Variants in BRSK2 observed in about 807,000 individuals in gnomAD.
BRSK2 encodes serine/threonine-protein kinase BRSK2.
BRSK2 carries 19 observed loss-of-function variants against 83.3 expected under a neutral mutation model. The ratio of observed to expected loss-of-function variants is 0.23; its 90% CI spans 0.16 to 0.33. BRSK2 has a LOEUF of 0.33. Among genes scored for constraint, BRSK2 ranks in the 10% least tolerant of loss-of-function variants. The pLI, the probability that BRSK2 is intolerant of heterozygous loss-of-function variation, is 1.00. For synonymous variants in BRSK2, 519 were observed against 435.4 expected (o/e 1.19, Z -2.39); for missense variants, 798 against 1,042.3 (o/e 0.77, Z 3.23).
intron 1 of BRSK2, among the ~76,000 whole-genome samples, chr11:1,412,947 C>T (rs1261710351): frequency 1.3e-5 from 2 of 151,782 alleles, no homozygotes; most frequent in Admixed American, 6.5e-5. Flanking sequence ...CGTGCACGCC[C>T]TTTCTGACTG....
rs61869028 is a variant in BRSK2, at chr11:1,450,820, A to G, written c.1495+26A>G. 696,146 of 1,568,576 alleles carry G rather than the reference A, an allele frequency of 0.44. 165,099 individuals are homozygous for G. Among genetic ancestry groups the G allele is most frequent in the Non-Finnish European group, 0.49 (571,899 of 1,160,822 alleles). On this transcript the variant is annotated intron_variant, in intron 14 of 19. Transcript: ENST00000528841. Reference sequence around the variant, plus strand: ...GTGAGTGTCTGCCCGGAGGCGCCAGAGTGGGGCTGGGAGAGAGCAGAGGCT... The same window carrying G: ...GTGAGTGTCTGCCCGGAGGCGCCAGGGTGGGGCTGGGAGAGAGCAGAGGCT...
intron 12 of BRSK2, 110 bp downstream of exon 12, chr11:1,446,017 G>A (rs903854152): frequency 2.1e-6 from 3 of 1,406,926 alleles, no homozygotes; most frequent in African/African-American, 2.9e-5. Flanking sequence ...GAGGCCATTG[G>A]GTGGGGCTGT....
intron 1 of BRSK2, among the ~76,000 whole-genome samples, chr11:1,420,017 C>A (rs1014136489): frequency 6.6e-6 from 1 of 152,246 alleles, no homozygotes; most frequent in East Asian, 1.9e-4. Context: ...GGCACGTGGT[C>A]GTTCGTCTCC....
chr11:1,444,744 T>C (rs541024770), intron 8 of BRSK2, among the ~76,000 whole-genome samples: 16 of 150,488 alleles, frequency 1.1e-4, no homozygotes, highest in African/African-American at 3.7e-4. Flanking sequence ...CCTTGAGGTG[T>C]GTGTTTTCTT....
At chr11:1,458,633 G>A (rs1015764577) in intron 18 of BRSK2, among the ~76,000 whole-genome samples, 1 of 152,184 alleles carries the variant, frequency 6.6e-6, no homozygotes, top group African/African-American at 2.4e-5. Flanking sequence ...CAGGGCGTGT[G>A]TCCACCCTGT....
At position 1,461,264 on chromosome 11, in the gene BRSK2, G is replaced by A. The variant is rs1564898781; in HGVS notation, c.*541G>A. 1 of 532,438 alleles carries A rather than the reference G, an allele frequency of 1.9e-6. No individual in the cohort carries two copies. Among genetic ancestry groups the A allele is most frequent in the Non-Finnish European group, 3.3e-6 (1 of 302,818 alleles). The allele number at this position is 532,438 out of a possible 1,614,324, so 33.0% of individuals were successfully genotyped here. On this transcript the variant is annotated 3_prime_UTR_variant, in exon 20 of 20. Coordinates refer to ENST00000528841, the MANE Select transcript of BRSK2 (RefSeq NM_001256627.2). Reference sequence around the variant, plus strand: ...CTTCTGGGGCCAGGACCCCTGGTGGGCAACGTAGCCACAGGAACAGGCCCC... The same window carrying A: ...CTTCTGGGGCCAGGACCCCTGGTGGACAACGTAGCCACAGGAACAGGCCCC...
At position 1,456,671 on chromosome 11, in the gene BRSK2, G is replaced by A. The variant is rs191358408; in HGVS notation, c.1923G>A (p.Ala641=). 9.5e-5 allele frequency: 153 copies of A among 1,606,552 alleles called. No individual in the cohort carries two copies. The African/African-American group carries it at 1.1e-3, about 11-fold the overall frequency. The part of the protein sequence containing the change: ...AQLLSTHDPP[A]AQHLSDTTNC... ...TGCTGAGCACACACGACCCGCCTGC[G>A]GCCCAGCACTTGTCAGGTGAGGCGG... Residue 641 remains alanine, a synonymous_variant, in exon 18 of 20, where the codon GCG becomes GCA. Transcript: ENST00000528841.
chr11:1,408,154 C>T (rs1242246183), intron 1 of BRSK2, among the ~76,000 whole-genome samples: 1 of 152,228 alleles, frequency 6.6e-6, no homozygotes, highest in Non-Finnish European at 1.5e-5. Flanking sequence ...CACAGGCGGG[C>T]CTGGCCTCGG....
chr11:1,403,180 G>A (rs996979255), intron 1 of BRSK2, among the ~76,000 whole-genome samples: 12 of 152,132 alleles, frequency 7.9e-5, no homozygotes, highest in Admixed American at 6.5e-4. Flanking sequence ...TCTGTGTCAC[G>A]CTACCCTTCC....
At position 1,444,888 on chromosome 11, in the gene BRSK2, G is replaced by A. The variant is rs530714292; in HGVS notation, c.781-83G>A. ...CTCCTGCTCTCTCCGTGCTCCCAGC[G>A]CCCCTGCCTTCCCCCTCACCTCCTA... On this transcript the variant is annotated intron_variant, in intron 8 of 19. Coordinates refer to ENST00000528841, the MANE Select transcript of BRSK2 (RefSeq NM_001256627.2). 1.2e-5 allele frequency: 16 copies of A among 1,323,544 alleles called. 1 individual carries two copies. Among genetic ancestry groups the A allele is most frequent in the East Asian group, 6.9e-5 (3 of 43,242 alleles). The allele number at this position is 1,323,544 out of a possible 1,614,324, so 82.0% of individuals were successfully genotyped here.
chr11:1,395,452 C>G lies in BRSK2; in HGVS notation c.91+5077C>G, dbSNP rs548863992. On this transcript the variant is annotated intron_variant, in intron 1 of 19. Coordinates refer to ENST00000528841, the MANE Select transcript of BRSK2 (RefSeq NM_001256627.2). ...GTCTTCCTGCCCTGCATGCCCTCCA[C>G]AGGGAGCCCCCTTTCCAGCTGAGAG... Among the ~76,000 whole-genome samples, 4 of 152,316 alleles carry G rather than the reference C, an allele frequency of 2.6e-5. No homozygotes were observed. In the South Asian group the frequency reaches 8.3e-4, roughly 32 times the overall value.
intron 1 of BRSK2, chr11:1,411,404 C>G: frequency 6.8e-7 from 1 of 1,464,684 alleles, no homozygotes; most frequent in East Asian, 2.6e-5. Flanking sequence ...AGCCTCACCC[C>G]ATGAGCCCTG....
chr11:1,451,268 T>G, intron 14 of BRSK2, 103 bp from the exon 15 acceptor site: 1 of 1,348,602 alleles, frequency 7.4e-7, no homozygotes, highest in East Asian at 2.3e-5. Context: ...CCAGTGTGTG[T>G]GGGTGGACTC....
Position 1,409,628 on chromosome 11 carries a change from T to G in BRSK2, c.91+19253T>G, listed in dbSNP as rs1847196293. 2.0e-5 allele frequency: 3 copies of G among 152,030 alleles called. No individual in the cohort carries two copies. In the South Asian group the frequency reaches 6.2e-4, roughly 32 times the overall value. The allele number at this position is 152,030 out of a possible 1,614,324, so 9.4% of individuals were successfully genotyped here. Reference sequence around the variant, plus strand: ...CGCCGTCCAGAGACAGAGCCACTGCTGAGGTGGGTGGGGGGTGTATGAAGG... The same window carrying G: ...CGCCGTCCAGAGACAGAGCCACTGCGGAGGTGGGTGGGGGGTGTATGAAGG... On this transcript the variant is annotated intron_variant, in intron 1 of 19. Transcript: ENST00000528841.
chr11:1,456,716 G>A (rs1347447121), intron 18 of BRSK2, 29 bp downstream of exon 18: 1 of 1,564,808 alleles, frequency 6.4e-7, no homozygotes, highest in East Asian at 2.3e-5. Flanking sequence ...CGGCCAACCT[G>A]CGGCCTGCGA....
chr11:1,395,880 C>T (rs1380478281), intron 1 of BRSK2, among the ~76,000 whole-genome samples: 3 of 152,196 alleles, frequency 2.0e-5, no homozygotes, highest in Non-Finnish European at 2.9e-5. Flanking sequence ...CCTGCTCCAC[C>T]ATCTGCCCGA....
rs1469810131 is a variant in BRSK2, at chr11:1,405,523, C to A, written c.91+15148C>A. On this transcript the variant is annotated intron_variant, in intron 1 of 19. Coordinates refer to ENST00000528841, the MANE Select transcript of BRSK2 (RefSeq NM_001256627.2). ...GCAGCCAGCACCCCACAGTTACAGG[C>A]AGCGAGCTGCCAGCCCCAGCCCCTT... Among the ~76,000 whole-genome samples the A allele has an allele frequency of 3.3e-5, 5 of 152,220 alleles. No individual in the cohort carries two copies. In the East Asian group the frequency reaches 9.7e-4, roughly 30 times the overall value.
intron 15 of BRSK2, among the ~76,000 whole-genome samples, chr11:1,453,218 G>A (rs542998471): frequency 4.6e-5 from 7 of 152,378 alleles, no homozygotes; most frequent in Admixed American, 4.6e-4. Context: ...GCTGTGCACT[G>A]CCCACCACGT....
chr11:1,434,628 G>A (rs1341386314), intron 1 of BRSK2, among the ~76,000 whole-genome samples: 1 of 145,496 alleles, frequency 6.9e-6, no homozygotes, highest in Non-Finnish European at 1.5e-5. Context: ...GGCTCTGGGT[G>A]TCTGGGGGCA....
Sources: gnomAD v4.1 joint callset for allele counts (sites outside exome capture counted in the v4.1 genomes callset) on GRCh38, gnomAD v4.1.1 for gene constraint, MANE v1.5 for transcripts, NCBI Gene and HGNC (gene_info 2026-07-23, HGNC 2026-07-21) for gene names.